Variants in MED27 observed in about 807,000 individuals in gnomAD.
MED27 encodes the protein mediator of RNA polymerase II transcription subunit 27.
Under a neutral mutation model 38.2 loss-of-function variants are expected in MED27, and 30 were observed. The ratio of observed to expected loss-of-function variants is 0.79; its 90% CI spans 0.59 to 1.07. The LOEUF is 1.07. Among genes scored for constraint, MED27 ranks in the 50% least tolerant of loss-of-function variants. MED27 has a pLI of 0.00. For missense variants in MED27, 289 were observed against 397.5 expected, an observed-to-expected ratio of 0.73 and a Z score of 2.32; for synonymous variants, 122 against 153.5, an observed-to-expected ratio of 0.79 and a Z score of 1.52.
chr9:132,001,869 C>T (rs1403195518), intron 3 of MED27, among the ~76,000 whole-genome samples: 2 of 152,212 alleles, frequency 1.3e-5, no homozygotes, highest in African/African-American at 4.8e-5. Flanking sequence ...TTCTGAGTCT[C>T]AGCTGCATGC....
chr9:132,079,493 G>A, intron 1 of MED27, 149 bp downstream of exon 1: 1 of 715,482 alleles, frequency 1.4e-6, no homozygotes, highest in African/African-American at 1.8e-5. Flanking sequence ...TGTCCCTGAG[G>A]GACAGGCAGA....
At chr9:132,013,112 T>G (rs1292919005) in intron 3 of MED27, among the ~76,000 whole-genome samples, 1 of 152,198 alleles carries the variant, frequency 6.6e-6, no homozygotes, top group African/African-American at 2.4e-5. Context: ...GGAAATGGAC[T>G]GATGTGCCCA....
intron 4 of MED27, among the ~76,000 whole-genome samples, chr9:131,923,056 T>C (rs779243100): frequency 5.3e-5 from 8 of 152,230 alleles, no homozygotes; most frequent in Non-Finnish European, 1.0e-4. Context: ...GAATGATATT[T>C]AGAAACTAAT....
At chr9:131,931,181 G>C (rs984109714) in intron 4 of MED27, among the ~76,000 whole-genome samples, 1 of 152,042 alleles carries the variant, frequency 6.6e-6, no homozygotes, top group African/African-American at 2.4e-5. Context: ...GGGGGCGGAG[G>C]CTGCAGTGAG....
At chr9:131,981,258 T>G (rs1831729387) in intron 3 of MED27, among the ~76,000 whole-genome samples, 1 of 152,242 alleles carries the variant, frequency 6.6e-6, no homozygotes, top group South Asian at 2.1e-4. Context: ...AACCACTATT[T>G]GTCTTGGCTA....
intron 5 of MED27, among the ~76,000 whole-genome samples, chr9:131,884,399 G>A (rs1839101410): frequency 6.6e-6 from 1 of 152,096 alleles, no homozygotes; most frequent in Admixed American, 6.5e-5. Context: ...TTCTCACCAC[G>A]GCTCTTGCAT....
In MED27 at chr9:131,883,579, C is replaced by G. The variant is rs141323795; in HGVS notation, c.723+479G>C. Among the ~76,000 whole-genome samples, 1 of 152,186 alleles carries G rather than the reference C, an allele frequency of 6.6e-6. No individual in the cohort carries two copies. The highest frequency in any genetic ancestry group is 1.5e-5 in the Non-Finnish European group (1 of 68,020). ...GGGAGTGCCAGCCTGCTTCCCTTGG[C>G]CCATCCCTTGGGCACCAGTGGAGAC... On this transcript the variant is annotated intron_variant, in intron 6 of 7. Transcript: ENST00000292035. The surrounding 1 kb of genome is among the most constrained non-coding windows in gnomAD (Gnocchi z 4.2).
chr9:131,918,898 G>A (rs1357361674), intron 4 of MED27, among the ~76,000 whole-genome samples: 1 of 152,156 alleles, frequency 6.6e-6, no homozygotes, highest in Non-Finnish European at 1.5e-5. Flanking sequence ...CCTATGACCA[G>A]CGTCCTTAAC....
At chr9:131,888,599 G>A (rs1384880144) in intron 5 of MED27, among the ~76,000 whole-genome samples, 3 of 152,188 alleles carry the variant, frequency 2.0e-5, no homozygotes, top group Non-Finnish European at 4.4e-5. Flanking sequence ...AAAAACAGTG[G>A]AATCGATTCA....
At chr9:131,881,880 C>T (rs926198795) in intron 6 of MED27, among the ~76,000 whole-genome samples, 4 of 143,184 alleles carry the variant, frequency 2.8e-5, no homozygotes, top group East Asian at 2.2e-4. Flanking sequence ...TGCAACCTCC[C>T]GCGTAGCTGG....
intron 3 of MED27, among the ~76,000 whole-genome samples, chr9:131,969,898 C>T (rs1283614403): frequency 1.3e-5 from 2 of 152,190 alleles, no homozygotes; most frequent in African/African-American, 4.8e-5. Context: ...ATTTAAAGAA[C>T]TCCCCATGAT....
intron 1 of MED27, among the ~76,000 whole-genome samples, chr9:132,077,811 GA>G (rs564626008): frequency 6.6e-6 from 1 of 150,898 alleles, no homozygotes; most frequent in African/African-American, 2.4e-5. Flanking sequence ...TCCAAAGGAG[GA>G]AAAAAAAGGT....
At chr9:131,916,454 G>A (rs190641432) in intron 4 of MED27, among the ~76,000 whole-genome samples, 161 of 152,272 alleles carry the variant, frequency 1.1e-3, no homozygotes, top group Non-Finnish European at 1.6e-3. Flanking sequence ...TCATTTTTGC[G>A]GCACATTATT....
chr9:131,989,291 A>G (rs763910734), intron 3 of MED27, among the ~76,000 whole-genome samples: 19 of 152,184 alleles, frequency 1.2e-4, no homozygotes, highest in Non-Finnish European at 2.4e-4. Flanking sequence ...CTCTTAGAAA[A>G]CAAGCTAGGA....
intron 4 of MED27, among the ~76,000 whole-genome samples, chr9:131,921,096 TCTAAATA>T (rs1387460562): frequency 1.3e-5 from 2 of 152,156 alleles, no homozygotes; most frequent in Non-Finnish European, 2.9e-5. Flanking sequence ...AATGTGGATA[TCTAAATA>T]TGCATGCTTA....
rs190717183 is a variant in MED27, at chr9:132,053,218, G to A, written c.348+24224C>T. 5.5e-3 allele frequency among the ~76,000 whole-genome samples: 820 copies of A among 148,682 alleles called. 13 individuals carry two copies. Among genetic ancestry groups the A allele is most frequent in the African/African-American group, 0.019 (762 of 40,044 alleles). On this transcript the variant is annotated intron_variant, in intron 2 of 7. Transcript: ENST00000292035. ...CAGTGAGCCGAGATCGCGCCACTGC[G>A]CTCCAGCCTGGGCGACAGAGCGAGA...
chr9:132,011,766 T>C (rs542664682), intron 3 of MED27, among the ~76,000 whole-genome samples: 25 of 152,208 alleles, frequency 1.6e-4, no homozygotes, highest in Non-Finnish European at 3.2e-4. Context: ...TCCAGGATAA[T>C]GTAAGCCCAA....
chr9:132,011,179 A>G (rs549116185), intron 3 of MED27, among the ~76,000 whole-genome samples: 2 of 152,332 alleles, frequency 1.3e-5, no homozygotes, highest in South Asian at 4.1e-4. Flanking sequence ...AAATAGAACA[A>G]TACTATAATA....
At position 131,860,160 on chromosome 9, in the gene MED27, A is replaced by T. The variant is rs537639333; in HGVS notation, c.*378T>A. 4.6e-4 allele frequency: 84 copies of T among 184,114 alleles called. No homozygotes were observed. Among genetic ancestry groups the T allele is most frequent in the Non-Finnish European group, 8.6e-4 (77 of 89,702 alleles). The allele number at this position is 184,114 out of a possible 1,614,324, so 11.4% of individuals were successfully genotyped here. On this transcript the variant is annotated 3_prime_UTR_variant, in exon 8 of 8. Coordinates refer to ENST00000292035, the MANE Select transcript of MED27 (RefSeq NM_004269.4). The surrounding 1 kb of genome is among the most constrained non-coding windows in gnomAD (Gnocchi z 5.8). ...TATAAAAATAAGTTACCAAAACCCAAGCCCCACAAAACACAAGAACCCCGC... is the reference window on the plus strand; with the variant it reads ...TATAAAAATAAGTTACCAAAACCCATGCCCCACAAAACACAAGAACCCCGC...
Sources: allele counts gnomAD v4.1 joint callset (sites outside exome capture counted in the v4.1 genomes callset), GRCh38; gene constraint gnomAD v4.1.1; non-coding constraint Gnocchi (gnomAD v3.1); transcripts MANE v1.5; gene names NCBI Gene and HGNC (gene_info 2026-07-23, HGNC 2026-07-21).